MMEL1: variants seen among roughly 807,000 people sequenced by gnomAD.
MMEL1 encodes membrane metalloendopeptidase like 1.
A neutral mutation model predicts 117.1 loss-of-function variants in MMEL1; 98 were observed. The ratio of observed to expected loss-of-function variants is 0.84; its 90% confidence interval spans 0.71 to 0.99. MMEL1 has a LOEUF of 0.99. MMEL1 is among the 50% of genes least tolerant of loss of function. The pLI, the probability that MMEL1 is intolerant of heterozygous loss-of-function variation, is 0.00. For synonymous variants in MMEL1, 390 were observed against 415.1 expected, an observed-to-expected ratio of 0.94 and a Z score of 0.74; for missense variants, 1,014 against 1,049.1, an observed-to-expected ratio of 0.97 and a Z score of 0.46.
rs143947527 is a variant in MMEL1, at chr1:2,609,750, C to T, written c.374G>A (p.Arg125Gln). The T allele has an allele frequency of 1.4e-4, 225 of 1,613,798 alleles. No individual in the cohort carries two copies. The Middle Eastern group carries it at 3.8e-3, about 27-fold the overall frequency. ...FYQFACGGWL[R>Q]RHVIPETNSR... ...GTTGGTCTCAGGGATCACGTGGCGC[C>T]GCAGCCAGCCTCCGCATGCAAACTG... is the stretch of plus-strand genomic sequence containing the variant. Residue 125 changes from arginine to glutamine, a missense_variant, in exon 5 of 24, where the codon CGG becomes CAG. Physicochemically the swap from Arg to Gln is conservative, Grantham distance 43 (BLOSUM62 1). Transcript: ENST00000378412.
At chr1:2,613,956 G>A (rs2100952953) in intron 2 of MMEL1, among the ~76,000 whole-genome samples, 1 of 152,320 alleles carries the variant, frequency 6.6e-6, no homozygotes, top group South Asian at 2.1e-4. Context: ...AGAGAGGAGA[G>A]ATGTTAAATA....
At chr1:2,619,460 C>G (rs1012733418) in intron 2 of MMEL1, among the ~76,000 whole-genome samples, 1 of 152,074 alleles carries the variant, frequency 6.6e-6, no homozygotes, top group Non-Finnish European at 1.5e-5. Context: ...GAGTTTGAGA[C>G]CAGCCTGGCC....
Position 2,594,244 on chromosome 1 carries a change from G to T in MMEL1, c.1747+141C>A, listed in dbSNP as rs550577872. Reference sequence around the variant, plus strand: ...ACGGGAGTGAGTGTTCCCCACGGGGGCAGCAAGGGGTGACATAGGAGAATG... The same window carrying T: ...ACGGGAGTGAGTGTTCCCCACGGGGTCAGCAAGGGGTGACATAGGAGAATG... On this transcript the variant is annotated intron_variant, in intron 18 of 23. Transcript: ENST00000378412. 19 of 981,466 alleles carry T rather than the reference G, an allele frequency of 1.9e-5. No homozygotes were observed. In the East Asian group the frequency reaches 4.4e-4, roughly 23 times the overall value. The allele number at this position is 981,466 out of a possible 1,614,324, so 60.8% of individuals were successfully genotyped here.
intron 7 of MMEL1, 111 bp downstream of exon 7, chr1:2,606,863 G>T: frequency 1.0e-6 from 1 of 1,001,732 alleles, no homozygotes; most frequent in Non-Finnish European, 1.5e-6. Flanking sequence ...CCTGAGAGCA[G>T]CCAGCTGGGG....
chr1:2,624,979 A>T lies in MMEL1; in HGVS notation c.154+4352T>A, dbSNP rs115589148. ...GAGCTGCACACTTTCAAACAACCAG[A>T]TCTCGTGAGAACTCACTCACTATCA... On this transcript the variant is annotated intron_variant, in intron 2 of 23. Coordinates refer to ENST00000378412, the MANE Select transcript of MMEL1 (RefSeq NM_033467.4). 6.6e-3 allele frequency among the ~76,000 whole-genome samples: 999 copies of T among 152,256 alleles called. 12 individuals are homozygous for T. Among genetic ancestry groups the T allele is most frequent in the South Asian group, 0.015 (71 of 4,816 alleles).
chr1:2,611,136 G>GCGAGTC (rs1266193285), intron 4 of MMEL1, 145 bp downstream of exon 4: 6 of 764,012 alleles, frequency 7.9e-6, no homozygotes, highest in Admixed American at 2.7e-5. Flanking sequence ...CCGCTCCACA[G>GCGAGTC]CGAGTCCGAG....
chr1:2,596,795 C>G, intron 13 of MMEL1, 106 bp from the exon 14 acceptor site: 2 of 1,396,848 alleles, frequency 1.4e-6, no homozygotes, highest in Non-Finnish European at 1.9e-6. Flanking sequence ...TCCTCAGCCT[C>G]AGGGTGCCCC....
intron 11 of MMEL1, among the ~76,000 whole-genome samples, chr1:2,602,763 G>C (rs1557531883): frequency 6.6e-6 from 1 of 152,180 alleles, no homozygotes; most frequent in South Asian, 2.1e-4. Flanking sequence ...GGGAGTCCCT[G>C]CCCCAGACTC....
chr1:2,601,162 G>A (rs890944502), intron 11 of MMEL1, among the ~76,000 whole-genome samples: 4 of 152,220 alleles, frequency 2.6e-5, no homozygotes, highest in Non-Finnish European at 5.9e-5. Flanking sequence ...AGACACTCTT[G>A]AAGAACAAAG....
At chr1:2,594,241 G>C in intron 18 of MMEL1, 144 bp downstream of exon 18, 1 of 968,504 alleles carries the variant, frequency 1.0e-6, no homozygotes, top group Non-Finnish European at 1.6e-6. Flanking sequence ...GTTCCCCACG[G>C]GGGCAGCAAG....
chr1:2,626,608 C>T lies in MMEL1; in HGVS notation c.154+2723G>A, dbSNP rs186610030. On this transcript the variant is annotated intron_variant, in intron 2 of 23. Transcript: ENST00000378412. ...TGGCCTATGGGCCATAGTTTGCCAA[C>T]CCCTGTACTAGAAAATGAATACAGT... is the stretch of plus-strand genomic sequence containing the variant. 3.7e-3 allele frequency among the ~76,000 whole-genome samples: 563 copies of T among 152,336 alleles called. 10 individuals carry two copies. Among genetic ancestry groups the T allele is most frequent in the Non-Finnish European group, 2.1e-3 (145 of 68,038 alleles).
In MMEL1 at chr1:2,595,189, C is replaced by T; in HGVS notation, c.1584+87G>A. ...TGTGTTAGCGCCTGGGAGGAGGGCA[C>T]AGAGCTTGGCACAGAGGAGCCCCCA... On this transcript the variant is annotated intron_variant, in intron 16 of 23. Transcript: ENST00000378412. The surrounding 1 kb of genome is among the most constrained non-coding windows in gnomAD (Gnocchi z 4.8). 8.0e-7 allele frequency: 1 copy of T among 1,257,338 alleles called. No individual in the cohort carries two copies. The highest frequency in any genetic ancestry group is 1.1e-6 in the Non-Finnish European group (1 of 880,274). 77.9% of individuals were successfully genotyped at this position (1,257,338 alleles called of 1,614,324 possible). A position where few individuals can be genotyped will look rare whatever the true frequency, so the allele number is the denominator to read the frequency against.
At chr1:2,604,117 C>G in intron 10 of MMEL1, 30 bp downstream of exon 10, 3 of 1,517,572 alleles carry the variant, frequency 2.0e-6, no homozygotes, top group Non-Finnish European at 9.1e-7. Context: ...CCACTCGCTG[C>G]CCGCTCCCCA....
intron 11 of MMEL1, 106 bp from the exon 12 acceptor site, chr1:2,598,896 G>T: frequency 1.1e-6 from 1 of 941,362 alleles, no homozygotes; most frequent in Non-Finnish European, 1.5e-6. Context: ...CAAGGAATAA[G>T]AGAGAAGTGC....
chr1:2,596,625 T>A lies in MMEL1; in HGVS notation c.1337A>T (p.Asn446Ile). 6.2e-7 allele frequency: 1 copy of A among 1,613,228 alleles called. No homozygotes were observed. The highest frequency in any genetic ancestry group is 8.5e-7 in the Non-Finnish European group (1 of 1,179,836). ...GAGGGAGCCCACGGCGTTCTCCATGTTGCTGTTGACGTAGCCCACACATTC... is the reference window on the plus strand; with the variant it reads ...GAGGGAGCCCACGGCGTTCTCCATGATGCTGTTGACGTAGCCCACACATTC... ...WRECVGYVNS[N>I]MENAVGSLYV... Residue 446 changes from asparagine to isoleucine, a missense_variant, in exon 14 of 24, where the codon AAC becomes ATC. Asn to Ile is a moderately radical substitution (Grantham distance 149, BLOSUM62 -3). Coordinates refer to ENST00000378412, the MANE Select transcript of MMEL1 (RefSeq NM_033467.4).
Position 2,630,585 on chromosome 1 carries a change from ACG to A in MMEL1, c.-37-1066_-37-1065del, listed in dbSNP as rs202147099. Among the ~76,000 whole-genome samples the A allele has an allele frequency of 1.4e-4, 15 of 104,746 alleles. No homozygotes were observed. In the East Asian group the frequency reaches 4.6e-3, roughly 32 times the overall value. 68.7% of individuals were successfully genotyped at this position (104,746 alleles called of 152,430 possible). A position where few individuals can be genotyped will look rare whatever the true frequency, so the allele number is the denominator to read the frequency against. On this transcript the variant is annotated intron_variant, in intron 1 of 23. Coordinates refer to ENST00000378412, the MANE Select transcript of MMEL1 (RefSeq NM_033467.4). Reference sequence around the variant, plus strand: ...TGTGTGTGACTGTGAGTGAGTGTGCACGTGTGTGTCCTCGTGTGTGCATGTGT... The same window carrying A: ...TGTGTGTGACTGTGAGTGAGTGTGCATGTGTGTCCTCGTGTGTGCATGTGT...
chr1:2,599,806 G>A (rs1053969204), intron 11 of MMEL1, among the ~76,000 whole-genome samples: 2 of 147,238 alleles, frequency 1.4e-5, no homozygotes, highest in Non-Finnish European at 3.0e-5. Context: ...ATGGTGAGCT[G>A]AGATCACTCC....
At chr1:2,594,152 A>T in intron 18 of MMEL1, 3 of 771,166 alleles carry the variant, frequency 3.9e-6, no homozygotes, top group Non-Finnish European at 6.1e-6. Context: ...TCCTCCCACC[A>T]TCCTGTTCTG....
At chr1:2,593,329 C>A (rs902717062) in intron 19 of MMEL1, among the ~76,000 whole-genome samples, 2 of 152,190 alleles carry the variant, frequency 1.3e-5, no homozygotes, top group Non-Finnish European at 2.9e-5. Context: ...ACAAGGACTG[C>A]CCACGGAAGG....
Sources: allele counts gnomAD v4.1 joint callset (sites outside exome capture counted in the v4.1 genomes callset), GRCh38; gene constraint gnomAD v4.1.1; non-coding constraint Gnocchi (gnomAD v3.1); transcripts MANE v1.5; gene names NCBI Gene and HGNC (gene_info 2026-07-23, HGNC 2026-07-21).